Variants in PDE11A observed in about 807,000 individuals in gnomAD.
PDE11A encodes dual 3',5'-cyclic-AMP and -GMP phosphodiesterase 11A.
Under a neutral mutation model 100.5 loss-of-function variants are expected in PDE11A, and 100 were observed. That is an observed-to-expected ratio of 1.00 (90% CI 0.85 to 1.18). PDE11A has a LOEUF of 1.18. PDE11A is among the 50% of genes most tolerant of loss of function. The pLI is 0.00. For missense variants in PDE11A, 1,141 were observed against 1,152.6 expected, an observed-to-expected ratio of 0.99 and a Z score of 0.15; for synonymous variants, 381 against 420.8, an observed-to-expected ratio of 0.91 and a Z score of 1.16.
intron 2 of PDE11A, among the ~76,000 whole-genome samples, chr2:177,980,933 T>G (rs2085872840): frequency 6.9e-6 from 1 of 144,110 alleles, no homozygotes; most frequent in African/African-American, 2.5e-5. Context: ...GACATGAGGG[T>G]GGTGTGAAAG....
rs145748388 is a variant in PDE11A at position 177,909,688 on chromosome 2, A to G, written c.1072-4501T>C. The stretch of plus-strand genomic sequence containing the variant: ...CATGTGTACCAGTTTTTTCCTCCTC[A>G]TTCCTTCCAACACCTCCTTCCTTCT... On this transcript the variant is annotated intron_variant, in intron 2 of 19. Transcript: ENST00000286063. Among the ~76,000 whole-genome samples the G allele has an allele frequency of 2.6e-5, 4 of 152,124 alleles. 1 individual carries two copies. Among genetic ancestry groups the G allele is most frequent in the African/African-American group, 9.6e-5 (4 of 41,498 alleles).
At chr2:177,880,089 T>C (rs2084304589) in intron 4 of PDE11A, among the ~76,000 whole-genome samples, 1 of 152,206 alleles carries the variant, frequency 6.6e-6, no homozygotes, top group South Asian at 2.1e-4. Context: ...TCAGACACTG[T>C]ATTCATGAAC....
chr2:177,769,064 T>TG (rs1463608665), intron 10 of PDE11A, among the ~76,000 whole-genome samples: 1 of 151,820 alleles, frequency 6.6e-6, no homozygotes, highest in African/African-American at 2.4e-5. Flanking sequence ...TATTATAGAC[T>TG]TTTTTTTCCC....
intron 15 of PDE11A, among the ~76,000 whole-genome samples, chr2:177,682,805 A>G (rs1280243994): frequency 6.6e-6 from 1 of 152,204 alleles, no homozygotes; most frequent in African/African-American, 2.4e-5. Context: ...TAGCCTTTGA[A>G]GTCTCTGAGA....
chr2:177,960,476 T>C (rs2085618028), intron 2 of PDE11A, among the ~76,000 whole-genome samples: 1 of 152,064 alleles, frequency 6.6e-6, no homozygotes, highest in African/African-American at 2.4e-5. Flanking sequence ...TCATTTCATG[T>C]CTACTTTTTT....
chr2:177,998,164 CT>C, intron 2 of PDE11A: 1 of 943,316 alleles, frequency 1.1e-6, no homozygotes. Flanking sequence ...TGTCTGTAAG[CT>C]TTTTAACCCA....
chr2:177,913,035 A>C (rs1473644767), intron 2 of PDE11A, among the ~76,000 whole-genome samples: 1 of 152,166 alleles, frequency 6.6e-6, no homozygotes, highest in South Asian at 2.1e-4. Context: ...ATTTATGGTG[A>C]TGGTTGTACC....
chr2:177,844,869 C>A (rs2083555103), intron 5 of PDE11A, among the ~76,000 whole-genome samples: 1 of 152,024 alleles, frequency 6.6e-6, no homozygotes, highest in African/African-American at 2.4e-5. Context: ...GGTCACAGAT[C>A]AACAGGATCC....
At chr2:177,642,807 G>A (rs139724227) in intron 19 of PDE11A, among the ~76,000 whole-genome samples, 28 of 152,236 alleles carry the variant, frequency 1.8e-4, no homozygotes, top group East Asian at 5.8e-4. Context: ...GGTTTTAGAC[G>A]TGACATGTCA....
At chr2:177,953,148 A>C (rs1206360639) in intron 2 of PDE11A, 1 of 152,236 alleles carries the variant, frequency 6.6e-6, no homozygotes, top group Non-Finnish European at 1.5e-5. Context: ...AATGTGAAAC[A>C]ACAGACAAGG....
intron 2 of PDE11A, among the ~76,000 whole-genome samples, chr2:177,993,902 G>A (rs1435959996): frequency 2.0e-5 from 3 of 150,322 alleles, no homozygotes; most frequent in Non-Finnish European, 3.0e-5. Context: ...TAATATATAT[G>A]TATATATGTG....
rs79194215 is a variant in PDE11A, at chr2:178,060,827, A to G, written c.912+10699T>C. Among the ~76,000 whole-genome samples the G allele has an allele frequency of 1.5e-3, 225 of 151,858 alleles. 1 individual carries two copies. Among genetic ancestry groups the G allele is most frequent in the Admixed American group, 2.6e-3 (39 of 15,254 alleles). ...TGGATGTTTGGATTGATAATTTATT[A>G]TTATTATAGATAATACTGCAACAAG... On this transcript the variant is annotated intron_variant, in intron 1 of 19. Transcript: ENST00000286063.
In PDE11A at chr2:177,716,345, C is replaced by T. The variant is rs570925088; in HGVS notation, c.2044-4467G>A. Reference sequence around the variant, plus strand: ...TCTGAGGCCTCCAGTTCCTGAGTCTCGTTAGGTGCTGGGGGTAGCATTATT... The same window carrying T: ...TCTGAGGCCTCCAGTTCCTGAGTCTTGTTAGGTGCTGGGGGTAGCATTATT... On this transcript the variant is annotated intron_variant, in intron 12 of 19. Coordinates refer to ENST00000286063, the MANE Select transcript of PDE11A (RefSeq NM_016953.4). 7.9e-5 allele frequency among the ~76,000 whole-genome samples: 12 copies of T among 152,258 alleles called. No homozygotes were observed. The South Asian group carries it at 2.1e-3, about 26-fold the overall frequency.
At chr2:177,981,198 TG>T in intron 2 of PDE11A, among the ~76,000 whole-genome samples, 2 of 150,770 alleles carry the variant, frequency 1.3e-5, no homozygotes, top group East Asian at 3.9e-4. Flanking sequence ...AGACAATTTT[TG>T]TCAAGTGCTC....
intron 12 of PDE11A, among the ~76,000 whole-genome samples, chr2:177,721,140 C>T (rs1053336902): frequency 2.0e-5 from 3 of 152,102 alleles, no homozygotes; most frequent in Non-Finnish European, 4.4e-5. Flanking sequence ...GCATAAATTT[C>T]AAATTCTTTA....
At position 178,071,683 on chromosome 2, in the gene PDE11A, G is replaced by T; in HGVS notation, c.755C>A (p.Thr252Asn). 6.2e-7 allele frequency: 1 copy of T among 1,613,474 alleles called. No individual in the cohort carries two copies. Among genetic ancestry groups the T allele is most frequent in the Non-Finnish European group, 8.5e-7 (1 of 1,179,388 alleles). ...CACATCAAAGAATTTGGAGACCAAG[G>T]TCTTCTTGCCAGCAGCTGCCCCTTC... ...LVEGAAAGKK[T>N]LVSKFFDVHA... Residue 252 changes from threonine (T) to asparagine (N), a missense_variant, in exon 1 of 20, where the codon ACC (threonine) becomes AAC (asparagine). Thr to Asn is a moderately conservative substitution (Grantham distance 65). Transcript: ENST00000286063.
chr2:178,074,022 C>G (rs1473717350), upstream of PDE11A, among the ~76,000 whole-genome samples: 2 of 151,794 alleles, frequency 1.3e-5, no homozygotes, highest in Admixed American at 1.3e-4. Flanking sequence ...TAACTCCATA[C>G]AATGGAATAT....
intron 2 of PDE11A, among the ~76,000 whole-genome samples, chr2:178,009,138 T>C (rs1177190995): frequency 6.6e-6 from 1 of 152,210 alleles, no homozygotes; most frequent in African/African-American, 2.4e-5. Flanking sequence ...CACATCTTAA[T>C]AGATCACAAA....
At chr2:177,801,568 A>C (rs1057425775) in intron 9 of PDE11A, among the ~76,000 whole-genome samples, 1 of 152,180 alleles carries the variant, frequency 6.6e-6, no homozygotes, top group Non-Finnish European at 1.5e-5. Context: ...CAGAATCAAC[A>C]ATCAATGGAA....
Sources: allele counts gnomAD v4.1 joint callset (sites outside exome capture counted in the v4.1 genomes callset), GRCh38; gene constraint gnomAD v4.1.1; transcripts MANE v1.5; gene names NCBI Gene and HGNC (gene_info 2026-07-23, HGNC 2026-07-21).